The following COTL1 variants were observed in gnomAD, a reference collection of about 807,000 sequenced individuals.
The protein encoded by COTL1 is coactosin like F-actin binding protein 1.
A neutral mutation model predicts 16.5 loss-of-function variants in COTL1; 15 were observed. The ratio of observed to expected loss-of-function variants is 0.91; its 90% CI spans 0.61 to 1.40. The LOEUF is 1.40. Among genes scored for constraint, COTL1 ranks in the 40% most tolerant of loss-of-function variants. The pLI is 0.00. For synonymous variants in COTL1, 112 were observed against 85.3 expected (o/e 1.31, Z -1.73); for missense variants, 220 against 201.5 (o/e 1.09, Z -0.56).
intron 3 of COTL1, among the ~76,000 whole-genome samples, chr16:84,589,847 C>T (rs768508789): frequency 2.6e-5 from 4 of 152,132 alleles, no homozygotes; most frequent in South Asian, 2.1e-4. Flanking sequence ...GCCCCACCCA[C>T]GGAGGCAGGC....
chr16:84,579,639 G>C (rs1026480839), intron 3 of COTL1, among the ~76,000 whole-genome samples: 3 of 152,346 alleles, frequency 2.0e-5, no homozygotes, highest in Middle Eastern at 3.4e-3. Flanking sequence ...TGATCACTTA[G>C]CTCCTGCATT....
chr16:84,603,024 G>A (rs1403123397), intron 2 of COTL1, among the ~76,000 whole-genome samples: 1 of 152,158 alleles, frequency 6.6e-6, no homozygotes, highest in East Asian at 1.9e-4. Context: ...AGCGGCATGA[G>A]AGCCTGGAGA....
At chr16:84,604,534 G>A (rs1905172015) in intron 2 of COTL1, among the ~76,000 whole-genome samples, 1 of 152,034 alleles carries the variant, frequency 6.6e-6, no homozygotes, top group South Asian at 2.1e-4. Context: ...CAGCACGAGT[G>A]CCCAGCAGAC....
rs545127422 is a variant in COTL1 at position 84,605,479 on chromosome 16, A to G, written c.160+12022T>C. Among the ~76,000 whole-genome samples the G allele has an allele frequency of 3.3e-5, 5 of 152,310 alleles. No homozygotes were observed. The East Asian group carries it at 9.6e-4, about 29-fold the overall frequency. ...TCCCTCACATGGCAAAAGGGCTTTG[A>G]GGGTGTGGTTAAGGTAAGGATCCTG... On this transcript the variant is annotated intron_variant, in intron 2 of 3. Coordinates refer to ENST00000262428, the MANE Select transcript of COTL1 (RefSeq NM_021149.5).
chr16:84,579,752 A>C (rs547252976), intron 3 of COTL1, among the ~76,000 whole-genome samples: 25 of 152,218 alleles, frequency 1.6e-4, no homozygotes, highest in Non-Finnish European at 2.9e-4. Context: ...TCACGAGGCA[A>C]GATGTCCGAG....
chr16:84,589,064 G>C (rs1567534790), intron 3 of COTL1, among the ~76,000 whole-genome samples: 1 of 151,742 alleles, frequency 6.6e-6, no homozygotes, highest in African/African-American at 2.4e-5. Flanking sequence ...TTGACCTCCT[G>C]GTTTCCAGCG....
chr16:84,591,393 C>G (rs553780180), intron 2 of COTL1, among the ~76,000 whole-genome samples: 2 of 151,640 alleles, frequency 1.3e-5, no homozygotes, highest in Non-Finnish European at 2.9e-5. Context: ...CTGTGTTAGC[C>G]AGGATGAATC....
intron 3 of COTL1, among the ~76,000 whole-genome samples, chr16:84,588,461 G>C (rs2150687053): frequency 6.6e-6 from 1 of 152,208 alleles, no homozygotes; most frequent in East Asian, 1.9e-4. Flanking sequence ...TCTGTTCTAA[G>C]GTCCAATTCA....
rs563732529 is a variant in COTL1 at position 84,579,513 on chromosome 16, G to C, written c.318+10592C>G. Among the ~76,000 whole-genome samples the C allele has an allele frequency of 3.7e-4, 57 of 152,272 alleles. 1 individual carries two copies. The highest frequency in any genetic ancestry group is 7.6e-4 in the Non-Finnish European group (52 of 68,010). ...CAAAAACAAATTATAAAAACAAAAAGCATTTAGGAAATGTCAAGAGAAAGG... is the reference window on the plus strand; with the variant it reads ...CAAAAACAAATTATAAAAACAAAAACCATTTAGGAAATGTCAAGAGAAAGG... On this transcript the variant is annotated intron_variant, in intron 3 of 3. Transcript: ENST00000262428.
Position 84,590,341 on chromosome 16 carries a change from C to A in COTL1, c.161-79G>T, listed in dbSNP as rs910798121. 8 of 1,535,460 alleles carry A rather than the reference C, an allele frequency of 5.2e-6. No individual in the cohort carries two copies. In the African/African-American group the frequency reaches 1.1e-4, roughly 21 times the overall value. Reference sequence around the variant, plus strand: ...CATGTCCCTGGGGAGAGGCTGTGAGCCACGAGTGCGCCTGGAGCAGCACAG... The same window carrying A: ...CATGTCCCTGGGGAGAGGCTGTGAGACACGAGTGCGCCTGGAGCAGCACAG... On this transcript the variant is annotated intron_variant, in intron 2 of 3. Coordinates refer to ENST00000262428, the MANE Select transcript of COTL1 (RefSeq NM_021149.5). This position sits in a 1 kb window ranked among gnomAD's most constrained non-coding sequence, Gnocchi z 5.5.
chr16:84,578,310 C>G (rs373369043), intron 3 of COTL1, among the ~76,000 whole-genome samples: 16 of 152,278 alleles, frequency 1.1e-4, no homozygotes, highest in African/African-American at 3.9e-4. Flanking sequence ...TAACAACATA[C>G]ATACTCAAAG....
chr16:84,590,046 C>G lies in COTL1; in HGVS notation c.318+59G>C. 1 of 1,550,318 alleles carries G rather than the reference C, an allele frequency of 6.5e-7. No homozygotes were observed. The highest frequency in any genetic ancestry group is 8.8e-7 in the Non-Finnish European group (1 of 1,138,090). On this transcript the variant is annotated intron_variant, in intron 3 of 3. Coordinates refer to ENST00000262428, the MANE Select transcript of COTL1 (RefSeq NM_021149.5). The surrounding 1 kb of genome is among the most constrained non-coding windows in gnomAD (Gnocchi z 5.5). ...GGAGTCGAACCCAGCCCTCTCCCTC[C>G]TTGCAGGATGGTGACCCTTGGCGAG...
At chr16:84,579,596 C>T (rs1904532579) in intron 3 of COTL1, among the ~76,000 whole-genome samples, 2 of 152,222 alleles carry the variant, frequency 1.3e-5, no homozygotes, top group African/African-American at 4.8e-5. Flanking sequence ...CGGGAAGGGG[C>T]AGACCCCTCT....
chr16:84,595,837 G>C (rs952100339), intron 2 of COTL1: 2 of 152,048 alleles, frequency 1.3e-5, no homozygotes, highest in Non-Finnish European at 2.9e-5. Context: ...ACATTTGTGA[G>C]TACAGGTGTA....
At chr16:84,583,345 G>A (rs370539681) in intron 3 of COTL1, among the ~76,000 whole-genome samples, 1 of 152,168 alleles carries the variant, frequency 6.6e-6, no homozygotes, top group Admixed American at 6.5e-5. Context: ...TAAAACTATT[G>A]TTATTCATAT....
intron 3 of COTL1, among the ~76,000 whole-genome samples, chr16:84,572,391 G>T (rs1904353063): frequency 6.6e-6 from 1 of 152,214 alleles, no homozygotes; most frequent in African/African-American, 2.4e-5. Flanking sequence ...CAGGTGGCAA[G>T]ACTCAGGAGG....
At chr16:84,588,564 G>A (rs988763707) in intron 3 of COTL1, among the ~76,000 whole-genome samples, 1 of 152,116 alleles carries the variant, frequency 6.6e-6, no homozygotes, top group African/African-American at 2.4e-5. Flanking sequence ...CAGTCTGAGT[G>A]CAGTGGCGAG....
chr16:84,607,544 T>C (rs1905238393), intron 2 of COTL1, among the ~76,000 whole-genome samples: 1 of 152,080 alleles, frequency 6.6e-6, no homozygotes, highest in Non-Finnish European at 1.5e-5. Context: ...TTAGATAAAC[T>C]AACACACGCA....
intron 2 of COTL1, among the ~76,000 whole-genome samples, chr16:84,615,464 C>T (rs1905449277): frequency 6.6e-6 from 1 of 152,178 alleles, no homozygotes; most frequent in Admixed American, 6.5e-5. Context: ...TTTTCCTCAT[C>T]CCCTTCTACT....
Sources: gnomAD v4.1 joint callset for allele counts (sites outside exome capture counted in the v4.1 genomes callset) on GRCh38, gnomAD v4.1.1 for gene constraint, Gnocchi (gnomAD v3.1) non-coding constraint, MANE v1.5 for transcripts, NCBI Gene and HGNC (gene_info 2026-07-23, HGNC 2026-07-21) for gene names.